Variants in DHTKD1 observed in about 807,000 individuals in gnomAD.
DHTKD1 encodes the protein 2-oxoadipate dehydrogenase complex component E1.
A neutral mutation model predicts 101.8 loss-of-function variants in DHTKD1; 78 were observed. That is an observed-to-expected ratio of 0.77 (90% CI 0.64 to 0.93). The LOEUF is 0.93. Among genes scored for constraint, DHTKD1 ranks in the 40% least tolerant of loss-of-function variants. The pLI is 0.00. For missense variants in DHTKD1, 1,223 were observed against 1,161.7 expected (o/e 1.05, Z -0.77); for synonymous variants, 462 against 450.3 (o/e 1.03, Z -0.33).
intron 5 of DHTKD1, among the ~76,000 whole-genome samples, chr10:12,090,479 CTT>C (rs1832975912): frequency 8.4e-6 from 1 of 118,578 alleles, no homozygotes; most frequent in African/African-American, 3.1e-5. Flanking sequence ...TTCCTTCCTT[CTT>C]CTTTCTCTCT....
intron 10 of DHTKD1, among the ~76,000 whole-genome samples, chr10:12,102,745 T>C (rs563631035): frequency 2.3e-4 from 35 of 152,124 alleles, no homozygotes; most frequent in Non-Finnish European, 4.1e-4. Context: ...ATTTATTTAT[T>C]TGAGACGGAG....
In DHTKD1 at chr10:12,122,823, A is replaced by C. The variant is rs1250155735; in HGVS notation, c.*1935A>C. 1 of 152,160 alleles carries C rather than the reference A, an allele frequency of 6.6e-6. No homozygotes were observed. The highest frequency in any genetic ancestry group is 1.5e-5 in the Non-Finnish European group (1 of 68,056). The allele number at this position is 152,160 out of a possible 1,614,324, so 9.4% of individuals were successfully genotyped here. A position where few individuals can be genotyped will look rare whatever the true frequency, so the allele number is the denominator to read the frequency against. On this transcript the variant is annotated 3_prime_UTR_variant, in exon 17 of 17. Coordinates refer to ENST00000263035, the MANE Select transcript of DHTKD1 (RefSeq NM_018706.7). ...ACCTGACTCAGTGCTGGGGGCCTCT[A>C]CCATCTACTGTGCTTGTGTCATGAT...
intron 15 of DHTKD1, among the ~76,000 whole-genome samples, chr10:12,119,386 T>A (rs186737238): frequency 6.6e-6 from 1 of 150,422 alleles, no homozygotes; most frequent in Non-Finnish European, 1.5e-5. Flanking sequence ...GAGGCCGAGG[T>A]GGGCGGATCA....
intron 1 of DHTKD1, 39 bp from the exon 2 acceptor site, chr10:12,081,433 C>T: frequency 1.9e-6 from 3 of 1,588,790 alleles, no homozygotes; most frequent in Non-Finnish European, 2.6e-6. Context: ...GTAGTCATCT[C>T]CTAAACTGTT....
intron 1 of DHTKD1, among the ~76,000 whole-genome samples, chr10:12,073,191 C>T (rs1267982217): frequency 6.6e-6 from 1 of 151,932 alleles, no homozygotes; most frequent in Non-Finnish European, 1.5e-5. Flanking sequence ...TGCCACCCCG[C>T]CCAGCTAATT....
intron 15 of DHTKD1, 59 bp downstream of exon 15, chr10:12,118,977 C>A: frequency 7.1e-7 from 1 of 1,414,920 alleles, no homozygotes. Context: ...CATTTCAGCT[C>A]TTTTAAATGA....
At chr10:12,106,984 TTTC>T (rs1564396596) in intron 11 of DHTKD1, among the ~76,000 whole-genome samples, 3 of 151,236 alleles carry the variant, frequency 2.0e-5, no homozygotes, top group Non-Finnish European at 4.4e-5. Flanking sequence ...TTCTTTTTCT[TTTC>T]TTTTTTTTTT....
chr10:12,088,873 C>T (rs781272434), intron 4 of DHTKD1, 113 bp from the exon 5 acceptor site: 23 of 976,294 alleles, frequency 2.4e-5, no homozygotes, highest in Non-Finnish European at 3.6e-5. Context: ...GCATAAGCCA[C>T]CACTCCTGGC....
chr10:12,105,963 C>T (rs1020934896), intron 10 of DHTKD1, among the ~76,000 whole-genome samples: 1 of 152,036 alleles, frequency 6.6e-6, no homozygotes, highest in East Asian at 1.9e-4. Flanking sequence ...GGCATGGTGG[C>T]GGGTGCCTGT....
At chr10:12,118,141 C>T (rs866151829) in intron 14 of DHTKD1, among the ~76,000 whole-genome samples, 2 of 152,110 alleles carry the variant, frequency 1.3e-5, no homozygotes, top group African/African-American at 2.4e-5. Context: ...CCACCCACCT[C>T]AGCCTCTGAA....
intron 5 of DHTKD1, among the ~76,000 whole-genome samples, chr10:12,089,928 C>T (rs1370878004): frequency 3.6e-4 from 55 of 152,012 alleles, no homozygotes; most frequent in African/African-American, 1.3e-3. Flanking sequence ...ACCTCAGCCT[C>T]CCAAAGTGCT....
Position 12,095,536 on chromosome 10 carries a change from A to G in DHTKD1, c.1358+1265A>G, listed in dbSNP as rs1024137262. ...CTACTAAAAATAGAAAAATTTGGCC[A>G]GGCGCGGTGGCTCACGCCTGTAATC... On this transcript the variant is annotated intron_variant, in intron 7 of 16. Transcript: ENST00000263035. Among the ~76,000 whole-genome samples, 18 of 150,438 alleles carry G rather than the reference A, an allele frequency of 1.2e-4. No homozygotes were observed. In the Middle Eastern group the frequency reaches 0.021, roughly 174 times the overall value.
chr10:12,100,420 A>G (rs1436170589), intron 9 of DHTKD1, among the ~76,000 whole-genome samples, 158 bp downstream of exon 9: 2 of 150,542 alleles, frequency 1.3e-5, no homozygotes, highest in African/African-American at 4.9e-5. Flanking sequence ...GCGCACCACC[A>G]TGCCCAGCTA....
intron 5 of DHTKD1, 87 bp from the exon 6 acceptor site, chr10:12,091,426 A>AAAAAAAAAAATTTATTCCAACCTG: frequency 1.2e-6 from 1 of 850,074 alleles, no homozygotes; most frequent in Non-Finnish European, 1.7e-6. Context: ...AAAAAAAAAA[A>AAAAAAAAAAATTTATTCCAACCTG]AAAAGTTATT....
intron 12 of DHTKD1, among the ~76,000 whole-genome samples, chr10:12,111,732 G>C (rs1157658524): frequency 6.6e-6 from 1 of 152,174 alleles, no homozygotes; most frequent in Non-Finnish European, 1.5e-5. Context: ...TAGGTCATTA[G>C]CTGAGAGTGG....
rs1564394752 is a variant in DHTKD1 at position 12,100,209 on chromosome 10, A to T, written c.1703A>T (p.Lys568Met). The change falls in exon 9 of 17, where the codon AAG becomes ATG. Residue 568 changes from lysine to methionine, a missense_variant. By Grantham distance (95) the Lys-to-Met change is moderately conservative. Coordinates refer to ENST00000263035, the MANE Select transcript of DHTKD1 (RefSeq NM_018706.7). The part of the protein sequence containing the change: ...SRMEKMMDGI[K>M]LDWATAEALA... ...ATGGAGAAGATGATGGACGGAATCA[A>T]GCTAGACTGGGCCACCGCGGAAGCT... The T allele has an allele frequency of 1.3e-6, 2 of 1,598,256 alleles. No homozygotes were observed. Among genetic ancestry groups the T allele is most frequent in the Admixed American group, 1.7e-5 (1 of 57,710 alleles).
intron 12 of DHTKD1, 90 bp downstream of exon 12, chr10:12,108,105 C>A: frequency 1.1e-6 from 1 of 872,038 alleles, no homozygotes; most frequent in Non-Finnish European, 1.9e-6. Flanking sequence ...GCCCACCTAA[C>A]TGTAACACAG....
chr10:12,089,101 C>T lies in DHTKD1; in HGVS notation c.833C>T (p.Pro278Leu), dbSNP rs1330846599. The part of the protein sequence containing the change: ...SVDLYFGAHH[P>L]LHVTMLPNPS... The stretch of plus-strand genomic sequence containing the variant: ...GACCTGTACTTTGGGGCGCACCATC[C>T]CCTCCATGTGACAATGTTGCCCAAT... Residue 278 changes from proline to leucine, a missense_variant, in exon 5 of 17, where the codon CCC becomes CTC. Pro to Leu is a moderately conservative substitution (Grantham distance 98). Coordinates refer to ENST00000263035, the MANE Select transcript of DHTKD1 (RefSeq NM_018706.7). 1 of 1,614,200 alleles carries T rather than the reference C, an allele frequency of 6.2e-7. No homozygotes were observed. The highest frequency in any genetic ancestry group is 1.7e-5 in the Admixed American group (1 of 60,010).
intron 15 of DHTKD1, 122 bp from the exon 16 acceptor site, chr10:12,120,060 G>C: frequency 2.8e-6 from 2 of 716,984 alleles, no homozygotes; most frequent in South Asian, 3.2e-5. Flanking sequence ...AGTTTCTAGT[G>C]AATGTGAATC....
Sources: allele counts gnomAD v4.1 joint callset (sites outside exome capture counted in the v4.1 genomes callset), GRCh38; gene constraint gnomAD v4.1.1; transcripts MANE v1.5; gene names NCBI Gene and HGNC (gene_info 2026-07-23, HGNC 2026-07-21).